Variants in BST1 observed in about 807,000 individuals in gnomAD.
BST1 encodes the protein bone marrow stromal cell antigen 1.
In BST1, 49 loss-of-function variants were observed where a neutral mutation model predicts 40.6. The observed-to-expected ratio is 1.21, with a 90% CI of 0.96 to 1.53. BST1 has a LOEUF of 1.53. Ranked by LOEUF, BST1 falls within the 40% of genes most tolerant of loss-of-function variation. The pLI, the probability that BST1 is intolerant of heterozygous loss-of-function variation, is 0.00. For synonymous variants in BST1, 157 were observed against 159.3 expected (o/e 0.99, Z 0.11); for missense variants, 423 against 395.9 (o/e 1.07, Z -0.58).
chr4:15,764,616 T>C, the BST1 span, among the ~76,000 whole-genome samples: 1 of 151,988 alleles, frequency 6.6e-6, no homozygotes, highest in African/African-American at 2.4e-5. Context: ...GATATCAGAA[T>C]GGGTTTTAAG....
chr4:15,740,826 T>C (rs1721724833), downstream of BST1, among the ~76,000 whole-genome samples: 1 of 152,108 alleles, frequency 6.6e-6, no homozygotes, highest in Admixed American at 6.5e-5. Context: ...CGGGGACTAC[T>C]GAATCCCTCA....
Position 15,705,558 on chromosome 4 carries a change from C to G in BST1, c.232C>G (p.Leu78Val). 6.2e-7 allele frequency: 1 copy of G among 1,607,844 alleles called. No homozygotes were observed. Among genetic ancestry groups the G allele is most frequent in the Non-Finnish European group, 8.5e-7 (1 of 1,177,446 alleles). ...TAIWEAFKVA[L>V]DKDPCSVLPS... ...CATCTGGGAAGCCTTTAAAGTGGCGCTGGACAAGGATCCCTGCTCCGTGCT... is the reference window on the plus strand; with the variant it reads ...CATCTGGGAAGCCTTTAAAGTGGCGGTGGACAAGGATCCCTGCTCCGTGCT... Residue 78 changes from leucine (L) to valine (V), a missense_variant, in exon 2 of 9, where the codon CTG becomes GTG. Physicochemically the swap from Leu to Val is conservative, Grantham distance 32. Transcript: ENST00000265016.
At chr4:15,758,295 C>T in the BST1 span, among the ~76,000 whole-genome samples, 1 of 152,162 alleles carries the variant, frequency 6.6e-6, no homozygotes, top group South Asian at 2.1e-4. Context: ...CCCTCCCCTT[C>T]CGCCCTGTCT....
exon 7 of BST1, chr4:15,738,064 C>A (rs1721632967): frequency 1.1e-5 from 3 of 271,620 alleles, no homozygotes; most frequent in Non-Finnish European, 2.3e-5. Context: ...GTGTCCAAAC[C>A]TACAGAAGGT....
chr4:15,763,640 A>G, the BST1 span, among the ~76,000 whole-genome samples: 5 of 152,126 alleles, frequency 3.3e-5, no homozygotes, highest in South Asian at 1.0e-3. Context: ...AGTAAGAAAA[A>G]TTTACTGTCA....
the BST1 span, among the ~76,000 whole-genome samples, chr4:15,753,744 A>C: frequency 2.0e-3 from 301 of 152,380 alleles, 4 homozygotes; most frequent in African/African-American, 6.9e-3. Context: ...AGACACACAG[A>C]TAGCACACTC....
downstream of BST1, among the ~76,000 whole-genome samples, chr4:15,733,780 C>A (rs1237377611): frequency 6.6e-6 from 1 of 152,150 alleles, no homozygotes; most frequent in African/African-American, 2.4e-5. Context: ...CCGAAACCAC[C>A]TCCGTGATCC....
chr4:15,753,747 G>A, the BST1 span, among the ~76,000 whole-genome samples: 2 of 152,226 alleles, frequency 1.3e-5, no homozygotes, highest in African/African-American at 4.8e-5. Context: ...CACACAGATA[G>A]CACACTCAAA....
chr4:15,739,981 G>C (rs935524639), downstream of BST1, among the ~76,000 whole-genome samples: 1 of 151,586 alleles, frequency 6.6e-6, no homozygotes, highest in African/African-American at 2.4e-5. Flanking sequence ...GGGAAGAAGG[G>C]AGAGAGAGAG....
At chr4:15,715,158 C>T (rs191495677) in intron 4 of BST1, 127 bp from the exon 5 acceptor site, 1 of 819,562 alleles carries the variant, frequency 1.2e-6, no homozygotes, top group Admixed American at 2.3e-5. Flanking sequence ...TCTACTAAGC[C>T]ATATGAAATG....
the BST1 span, among the ~76,000 whole-genome samples, chr4:15,750,264 A>G: frequency 5.3e-4 from 81 of 152,212 alleles, no homozygotes; most frequent in Non-Finnish European, 1.1e-3. Context: ...ACCTCAGGTG[A>G]TTCACCAGCC....
rs151085755 is a variant in BST1 at position 15,721,540 on chromosome 4, G to A, written c.792-1335G>A. The stretch of plus-strand genomic sequence containing the variant: ...ATGAAGCTAGACACAATCATTCTGA[G>A]CAAACTATCCCAAGGACAGAAAACC... On this transcript the variant is annotated intron_variant, in intron 7 of 8. Coordinates refer to ENST00000265016, the MANE Select transcript of BST1 (RefSeq NM_004334.3). Among the ~76,000 whole-genome samples, 1,089 of 152,136 alleles carry A rather than the reference G, an allele frequency of 7.2e-3. 7 individuals carry two copies. The highest frequency in any genetic ancestry group is 0.023 in the African/African-American group (952 of 41,500).
chr4:15,709,525 A>C (rs1300444350), intron 3 of BST1, among the ~76,000 whole-genome samples: 1 of 152,184 alleles, frequency 6.6e-6, no homozygotes, highest in Non-Finnish European at 1.5e-5. Flanking sequence ...TTGTTTGATG[A>C]TGCTGCAGAG....
At chr4:15,714,301 C>T (rs1470708729) in intron 4 of BST1, among the ~76,000 whole-genome samples, 3 of 152,166 alleles carry the variant, frequency 2.0e-5, no homozygotes, top group Non-Finnish European at 4.4e-5. Context: ...TCTACACCTC[C>T]TTCATTCTAG....
At chr4:15,735,936 GA>G (rs33936701), downstream of BST1, 31,917 of 470,076 alleles carry the variant, frequency 0.068, 1,365 homozygotes, top group African/African-American at 0.15. Flanking sequence ...CTCTTTACTT[GA>G]AAAAAATCTA....
the BST1 span, among the ~76,000 whole-genome samples, chr4:15,762,066 G>C: frequency 7.9e-5 from 12 of 151,594 alleles, no homozygotes; most frequent in Non-Finnish European, 1.8e-4. Context: ...GCATCTGCCT[G>C]TAGTCCCAGC....
the BST1 span, among the ~76,000 whole-genome samples, chr4:15,747,162 T>C: frequency 3.3e-5 from 5 of 152,190 alleles, no homozygotes; most frequent in East Asian, 3.8e-4. Flanking sequence ...TGATCGTCCA[T>C]TGTGGTAGCT....
At chr4:15,745,109 G>A in the BST1 span, among the ~76,000 whole-genome samples, 1 of 151,984 alleles carries the variant, frequency 6.6e-6, no homozygotes, top group Non-Finnish European at 1.5e-5. Context: ...CAATTATATT[G>A]ATCAATAAAG....
chr4:15,719,486 G>T (rs1041713323), intron 7 of BST1, among the ~76,000 whole-genome samples: 2 of 152,232 alleles, frequency 1.3e-5, no homozygotes, highest in African/African-American at 4.8e-5. Flanking sequence ...GGTATCATTT[G>T]TGGGCCTTGT....
Sources: gnomAD v4.1 joint callset for allele counts (sites outside exome capture counted in the v4.1 genomes callset) on GRCh38, gnomAD v4.1.1 for gene constraint, MANE v1.5 for transcripts, NCBI Gene and HGNC (gene_info 2026-07-23, HGNC 2026-07-21) for gene names.